Variants in KATNIP observed in about 807,000 individuals in gnomAD.
KATNIP encodes katanin interacting protein.
A neutral mutation model predicts 174.0 loss-of-function variants in KATNIP; 126 were observed. That is an observed-to-expected ratio of 0.72 (90% CI 0.63 to 0.84). The LOEUF (loss-of-function observed/expected upper bound fraction) is 0.84. KATNIP is among the 40% of genes least tolerant of loss of function. The pLI, the probability that KATNIP is intolerant of heterozygous loss-of-function variation, is 0.00. For synonymous variants in KATNIP, 810 were observed against 835.7 expected, an observed-to-expected ratio of 0.97 and a Z score of 0.53; for missense variants, 1,958 against 2,109.7, an observed-to-expected ratio of 0.93 and a Z score of 1.41.
rs140933611 is a variant in KATNIP, at chr16:27,738,681, C to T, written c.1744-1360C>T. ...TCATCGGCATGGTTCTGCACCCCGTCGTGTGAAGAAATCATCCGGAGAACT... is the reference window on the plus strand; with the variant it reads ...TCATCGGCATGGTTCTGCACCCCGTTGTGTGAAGAAATCATCCGGAGAACT... On this transcript the variant is annotated intron_variant, in intron 14 of 27. Transcript: ENST00000261588. Among the ~76,000 whole-genome samples, 8 of 152,294 alleles carry T rather than the reference C, an allele frequency of 5.3e-5. No individual in the cohort carries two copies. In the East Asian group the frequency reaches 1.5e-3, roughly 29 times the overall value.
At chr16:27,684,231 G>A (rs2078445218) in intron 8 of KATNIP, among the ~76,000 whole-genome samples, 3 of 152,180 alleles carry the variant, frequency 2.0e-5, no homozygotes. Context: ...CAGAGGAGAT[G>A]GAGGCACAGA....
chr16:27,772,356 G>A (rs1353146412), intron 22 of KATNIP, among the ~76,000 whole-genome samples: 1 of 152,242 alleles, frequency 6.6e-6, no homozygotes, highest in Non-Finnish European at 1.5e-5. Context: ...AGGTGGGAAG[G>A]GGTAGGGCCC....
chr16:27,708,717 A>G lies in KATNIP; in HGVS notation c.1402A>G (p.Met468Val). The change falls in exon 13 of 28, where the codon ATG (methionine) becomes GTG (valine). Residue 468 changes from methionine (M) to valine (V), a missense_variant. By Grantham distance (21) the Met-to-Val change is conservative. This residue lies in a region of KATNIP where 1,557 missense variants were observed against 1,617.8 expected (regional missense o/e 0.96). Coordinates refer to ENST00000261588, the MANE Select transcript of KATNIP (RefSeq NM_015202.5). ...QVSDTEDKQRMRADEIKDAIY... is the reference protein window; with the variant it reads ...QVSDTEDKQRVRADEIKDAIY... ...TCTCTTCTTTAAGGACAAACAGAGA[A>G]TGAGGGCAGACGAGATCAAAGATGC... 1.2e-6 allele frequency: 2 copies of G among 1,612,428 alleles called. No individual in the cohort carries two copies. Among genetic ancestry groups the G allele is most frequent in the Non-Finnish European group, 8.5e-7 (1 of 1,178,792 alleles).
chr16:27,750,163 G>A lies in KATNIP; in HGVS notation c.3203G>A (p.Cys1068Tyr). 6.2e-7 allele frequency: 1 copy of A among 1,614,120 alleles called. No homozygotes were observed. The highest frequency in any genetic ancestry group is 8.5e-7 in the Non-Finnish European group (1 of 1,180,030). Reference protein sequence around the residue: ...HSITIDFTHPCHVALIRIWNY... With the variant: ...HSITIDFTHPYHVALIRIWNY... Reference sequence around the variant, plus strand: ...ATCACCATTGACTTCACGCACCCTTGCCACGTTGCCCTGATCAGAATTTGG... The same window carrying A: ...ATCACCATTGACTTCACGCACCCTTACCACGTTGCCCTGATCAGAATTTGG... The change falls in exon 16 of 28, where the codon TGC (cysteine) becomes TAC (tyrosine). Residue 1068 changes from cysteine (C) to tyrosine (Y), a missense_variant. By Grantham distance (194) the Cys-to-Tyr change is radical. Around this residue, in one of 3 missense-constraint regions of KATNIP, gnomAD observed 1,557 missense variants for 1,617.8 expected, o/e 0.96. Coordinates refer to ENST00000261588, the MANE Select transcript of KATNIP (RefSeq NM_015202.5).
chr16:27,712,547 G>A (rs1387611456), intron 13 of KATNIP, among the ~76,000 whole-genome samples: 1 of 152,184 alleles, frequency 6.6e-6, no homozygotes, highest in Non-Finnish European at 1.5e-5. Flanking sequence ...TAGAAGCGGA[G>A]GCTGGGTTTG....
At chr16:27,617,979 C>A (rs921775887) in intron 2 of KATNIP, among the ~76,000 whole-genome samples, 6 of 152,180 alleles carry the variant, frequency 3.9e-5, no homozygotes, top group African/African-American at 1.4e-4. Flanking sequence ...CTCAAGCAAT[C>A]CTCTCGCCTC....
At chr16:27,627,668 T>G (rs1165695847) in intron 3 of KATNIP, among the ~76,000 whole-genome samples, 1 of 152,266 alleles carries the variant, frequency 6.6e-6, no homozygotes, top group African/African-American at 2.4e-5. Context: ...AGAACAGAGT[T>G]TAGCATACAG....
chr16:27,591,367 T>A (rs1351018517), intron 2 of KATNIP, among the ~76,000 whole-genome samples: 1 of 152,146 alleles, frequency 6.6e-6, no homozygotes, highest in Non-Finnish European at 1.5e-5. Flanking sequence ...GTATTTTTAG[T>A]GCAGATGTGG....
At chr16:27,700,438 C>T (rs748682213) in intron 10 of KATNIP, among the ~76,000 whole-genome samples, 15 of 152,124 alleles carry the variant, frequency 9.9e-5, no homozygotes, top group Non-Finnish European at 1.6e-4. Flanking sequence ...AGATGAGCCC[C>T]AGCCCCATGC....
chr16:27,659,525 A>C (rs959306194), intron 6 of KATNIP, among the ~76,000 whole-genome samples: 1 of 152,122 alleles, frequency 6.6e-6, no homozygotes, highest in African/African-American at 2.4e-5. Context: ...AAAAAAAAAA[A>C]AGTGAATTTT....
intron 20 of KATNIP, among the ~76,000 whole-genome samples, chr16:27,769,244 C>G (rs1202890083): frequency 1.3e-5 from 2 of 152,220 alleles, no homozygotes; most frequent in Non-Finnish European, 2.9e-5. Flanking sequence ...CACTGGGATG[C>G]TGCTAGGCAT....
At chr16:27,768,525 T>C (rs1418738490) in intron 20 of KATNIP, among the ~76,000 whole-genome samples, 1 of 152,156 alleles carries the variant, frequency 6.6e-6, no homozygotes, top group Non-Finnish European at 1.5e-5. Flanking sequence ...GCTTATGTCC[T>C]GCTAGCTCCA....
Position 27,777,511 on chromosome 16 carries a change from C to T in KATNIP, c.4552-99C>T, listed in dbSNP as rs918104124. ...CTTGTTCCTGACAGCCCCGTCTTCC[C>T]GAGGAGAAAGCCTTGGCTCAGAGCA... On this transcript the variant is annotated intron_variant, in intron 25 of 27. Coordinates refer to ENST00000261588, the MANE Select transcript of KATNIP (RefSeq NM_015202.5). The surrounding 1 kb of genome is among the most constrained non-coding windows in gnomAD (Gnocchi z 4.4). 2.4e-5 allele frequency: 29 copies of T among 1,205,618 alleles called. No homozygotes were observed. The African/African-American group carries it at 3.0e-4, about 13-fold the overall frequency. 74.7% of individuals were successfully genotyped at this position (1,205,618 alleles called of 1,614,324 possible). A position where few individuals can be genotyped will look rare whatever the true frequency, so the allele number is the denominator to read the frequency against.
chr16:27,695,984 T>A (rs1240402882), intron 8 of KATNIP, among the ~76,000 whole-genome samples: 1 of 152,162 alleles, frequency 6.6e-6, no homozygotes, highest in Non-Finnish European at 1.5e-5. Flanking sequence ...TGCAGATATT[T>A]TAGTATTCTT....
chr16:27,713,387 T>C (rs978597892), intron 13 of KATNIP, among the ~76,000 whole-genome samples: 1 of 152,090 alleles, frequency 6.6e-6, no homozygotes, highest in African/African-American at 2.4e-5. Flanking sequence ...AAATCTCATC[T>C]TGAATTGTAA....
chr16:27,675,239 A>C (rs1477291136), intron 6 of KATNIP, among the ~76,000 whole-genome samples: 1 of 152,192 alleles, frequency 6.6e-6, no homozygotes, highest in South Asian at 2.1e-4. Flanking sequence ...GTGGCAGGCA[A>C]GAGAGCTTGT....
At chr16:27,623,776 T>A (rs2076258726) in intron 3 of KATNIP, among the ~76,000 whole-genome samples, 1 of 152,066 alleles carries the variant, frequency 6.6e-6, no homozygotes, top group Admixed American at 6.6e-5. Flanking sequence ...ATGTGGTTCA[T>A]CTATAGTGCC....
chr16:27,767,394 A>G (rs897218599), intron 20 of KATNIP, among the ~76,000 whole-genome samples: 19 of 152,130 alleles, frequency 1.2e-4, no homozygotes, highest in African/African-American at 4.6e-4. Context: ...CCCACCATAT[A>G]CCCACCATGG....
chr16:27,636,499 G>C (rs1389007366), intron 5 of KATNIP, among the ~76,000 whole-genome samples: 1 of 152,190 alleles, frequency 6.6e-6, no homozygotes, highest in African/African-American at 2.4e-5. Context: ...TCCTGGAGCT[G>C]GCTGTGTAAC....
Sources: allele counts gnomAD v4.1 joint callset (sites outside exome capture counted in the v4.1 genomes callset), GRCh38; gene constraint gnomAD v4.1.1; regional missense constraint gnomAD v4.1.1; non-coding constraint Gnocchi (gnomAD v3.1); transcripts MANE v1.5; gene names NCBI Gene and HGNC (gene_info 2026-07-23, HGNC 2026-07-21).